Variants in KCNK9 observed in about 807,000 individuals in gnomAD.
KCNK9 encodes potassium two pore domain channel subfamily K member 9.
Under a neutral mutation model 10.8 loss-of-function variants are expected in KCNK9, and 1 was observed. The observed-to-expected ratio is 0.09, with a 90% CI of 0.03 to 0.44. KCNK9 has a LOEUF of 0.44. Among genes scored for constraint, KCNK9 ranks in the 20% least tolerant of loss-of-function variants. The pLI, the probability that KCNK9 is intolerant of heterozygous loss-of-function variation, is 0.97. For synonymous variants in KCNK9, 231 were observed against 222.7 expected, an observed-to-expected ratio of 1.04 and a Z score of -0.33; for missense variants, 303 against 515.0, an observed-to-expected ratio of 0.59 and a Z score of 3.98.
intron 2 of KCNK9, among the ~76,000 whole-genome samples, chr8:139,604,636 G>A (rs1817447079): frequency 1.3e-5 from 2 of 152,214 alleles, no homozygotes; most frequent in Non-Finnish European, 2.9e-5. Context: ...AAGACCCCAA[G>A]TCACAATGCA....
intron 1 of KCNK9, among the ~76,000 whole-genome samples, chr8:139,695,406 G>C (rs941308883): frequency 1.3e-5 from 2 of 152,188 alleles, no homozygotes; most frequent in African/African-American, 4.8e-5. Flanking sequence ...AGAAACTCAG[G>C]AGCCCAGGGC....
intron 1 of KCNK9, among the ~76,000 whole-genome samples, chr8:139,651,296 C>T (rs1398721795): frequency 6.6e-6 from 1 of 152,162 alleles, no homozygotes; most frequent in African/African-American, 2.4e-5. Context: ...CTGTGGGGGT[C>T]CCCCTGCCCC....
Position 139,617,203 on chromosome 8 carries a change from A to G in KCNK9, c.*1055T>C, listed in dbSNP as rs1187601158. Among the ~76,000 whole-genome samples the G allele has an allele frequency of 1.3e-5, 2 of 152,264 alleles. No homozygotes were observed. Among genetic ancestry groups the G allele is most frequent in the Non-Finnish European group, 2.9e-5 (2 of 68,022 alleles). Reference sequence around the variant, plus strand: ...AAAGGAACCACAGCCACATACTAATACCCATTCTCACCCAAGCATTCCAAC... The same window carrying G: ...AAAGGAACCACAGCCACATACTAATGCCCATTCTCACCCAAGCATTCCAAC... On this transcript the variant is annotated 3_prime_UTR_variant, in exon 2 of 2. Coordinates refer to ENST00000520439, the MANE Select transcript of KCNK9 (RefSeq NM_001282534.2).
intron 1 of KCNK9, among the ~76,000 whole-genome samples, chr8:139,682,155 G>A (rs913693512): frequency 5.9e-5 from 9 of 152,218 alleles, no homozygotes; most frequent in South Asian, 2.1e-4. Context: ...ATTCAGATTC[G>A]TGGGCTGCTG....
chr8:139,662,052 G>A (rs1191575714), intron 1 of KCNK9, among the ~76,000 whole-genome samples: 1 of 152,234 alleles, frequency 6.6e-6, no homozygotes, highest in Non-Finnish European at 1.5e-5. Flanking sequence ...CTCAAGGCCA[G>A]GCTGACCTTC....
In KCNK9 at chr8:139,618,617, G is replaced by T; in HGVS notation, c.766C>A (p.Arg256=). 1 of 1,614,122 alleles carries T rather than the reference G, an allele frequency of 6.2e-7. No individual in the cohort carries two copies. The highest frequency in any genetic ancestry group is 8.5e-7 in the Non-Finnish European group (1 of 1,180,012). Residue 256 remains arginine (R), a synonymous_variant, in exon 2 of 2, where the codon CGG becomes AGG. Transcript: ENST00000520439. The surrounding 1 kb of genome is among the most constrained non-coding windows in gnomAD (Gnocchi z 7.9). ...FLTMNSEDER[R]DAEERASLAG... is the part of the protein sequence containing the mutation. The stretch of plus-strand genomic sequence containing the variant: ...AGGGATGCCCTCTCTTCAGCATCCC[G>T]CCGCTCATCCTCACTGTTCATGGTC...
chr8:139,621,745 G>A (rs1814788071), intron 1 of KCNK9, among the ~76,000 whole-genome samples: 1 of 152,112 alleles, frequency 6.6e-6, no homozygotes, highest in South Asian at 2.1e-4. Flanking sequence ...GCACATCTTG[G>A]CAAACAAGTA....
intron 1 of KCNK9, among the ~76,000 whole-genome samples, chr8:139,659,581 G>A (rs937883363): frequency 3.3e-5 from 5 of 152,012 alleles, no homozygotes; most frequent in Admixed American, 2.0e-4. Context: ...GCACAATCTC[G>A]GCTCACTGCA....
At chr8:139,635,908 C>A (rs1473754540) in intron 1 of KCNK9, among the ~76,000 whole-genome samples, 1 of 152,160 alleles carries the variant, frequency 6.6e-6, no homozygotes, top group African/African-American at 2.4e-5. Context: ...TGTGTGCTAT[C>A]ATATTGCCAA....
At chr8:139,625,283 C>T (rs868804599) in intron 1 of KCNK9, among the ~76,000 whole-genome samples, 25 of 152,358 alleles carry the variant, frequency 1.6e-4, no homozygotes, top group Middle Eastern at 3.4e-3. Context: ...CTCTCCCAGC[C>T]CCGGACCCTG....
In KCNK9 at chr8:139,617,778, A is replaced by G. The variant is rs1350761482; in HGVS notation, c.*480T>C. The stretch of plus-strand genomic sequence containing the variant: ...GACACACGTGCACACAGAAGCACAC[A>G]CACAACACACACACAGTCACTCAGT... On this transcript the variant is annotated 3_prime_UTR_variant, in exon 2 of 2. Transcript: ENST00000520439. Among the ~76,000 whole-genome samples the G allele has an allele frequency of 1.3e-5, 2 of 152,208 alleles. No individual in the cohort carries two copies. Among genetic ancestry groups the G allele is most frequent in the Admixed American group, 1.3e-4 (2 of 15,284 alleles).
At chr8:139,692,282 G>A (rs930545641) in intron 1 of KCNK9, among the ~76,000 whole-genome samples, 3 of 152,134 alleles carry the variant, frequency 2.0e-5, no homozygotes, top group East Asian at 1.9e-4. Context: ...TCCTGAACAC[G>A]ATCCCTAAAT....
chr8:139,674,703 G>A (rs1351763592), intron 1 of KCNK9, among the ~76,000 whole-genome samples: 1 of 152,224 alleles, frequency 6.6e-6, no homozygotes, highest in Non-Finnish European at 1.5e-5. Context: ...CTACACGTTT[G>A]TGAGAGCCAC....
intron 1 of KCNK9, among the ~76,000 whole-genome samples, chr8:139,671,621 G>T (rs550654325): frequency 6.6e-6 from 1 of 151,392 alleles, no homozygotes; most frequent in Non-Finnish European, 1.5e-5. Flanking sequence ...AGCGATAAGC[G>T]ATTATCCTGC....
At chr8:139,641,370 C>A (rs1246554443) in intron 1 of KCNK9, among the ~76,000 whole-genome samples, 1 of 152,160 alleles carries the variant, frequency 6.6e-6, no homozygotes, top group Non-Finnish European at 1.5e-5. Flanking sequence ...CAAGAGCCCA[C>A]CCTGGCAGGA....
At chr8:139,697,359 A>T (rs144694508) in intron 1 of KCNK9, among the ~76,000 whole-genome samples, 41 of 23,598 alleles carry the variant, frequency 1.7e-3, no homozygotes, top group South Asian at 5.2e-3. Context: ...GGATGGATGG[A>T]TGGATGGATG....
intron 1 of KCNK9, among the ~76,000 whole-genome samples, chr8:139,663,682 T>TGTGTGTGTGTG (rs1554624294): frequency 2.5e-4 from 36 of 145,788 alleles, no homozygotes; most frequent in South Asian, 9.0e-4. Context: ...TGTGTGTGTG[T>TGTGTGTGTGTG]TAGAGAGAGA....
rs979305177 is a variant in KCNK9 at position 139,617,237 on chromosome 8, TCTTA to T, written c.*1017_*1020del. Among the ~76,000 whole-genome samples, 5 of 152,298 alleles carry T rather than the reference TCTTA, an allele frequency of 3.3e-5. No homozygotes were observed. The highest frequency in any genetic ancestry group is 1.2e-4 in the African/African-American group (5 of 41,552). ...CACCCAAGCATTCCAACACTATAAT[TCTTA>T]TTTATGCAGGGTAGGTGCTGCACAA... On this transcript the variant is annotated 3_prime_UTR_variant, in exon 2 of 2. Transcript: ENST00000520439.
At chr8:139,657,947 A>C (rs1276848993) in intron 1 of KCNK9, among the ~76,000 whole-genome samples, 2 of 152,068 alleles carry the variant, frequency 1.3e-5, no homozygotes, top group Non-Finnish European at 2.9e-5. Flanking sequence ...GGTCTCCCCC[A>C]CAGGACAGGC....
Sources: gnomAD v4.1 joint callset for allele counts (sites outside exome capture counted in the v4.1 genomes callset) on GRCh38, gnomAD v4.1.1 for gene constraint, Gnocchi (gnomAD v3.1) non-coding constraint, MANE v1.5 for transcripts, NCBI Gene and HGNC (gene_info 2026-07-23, HGNC 2026-07-21) for gene names.